The following KIAA1217 variants were observed in gnomAD, a reference collection of about 807,000 sequenced individuals.
KIAA1217 encodes the protein KIAA1217.
KIAA1217 carries 88 observed loss-of-function variants against 163.9 expected under a neutral mutation model. The ratio of observed to expected loss-of-function variants is 0.54; its 90% CI spans 0.45 to 0.64. KIAA1217 has a LOEUF of 0.64. Among genes scored for constraint, KIAA1217 ranks in the 30% least tolerant of loss-of-function variants. The probability of loss-of-function intolerance (pLI) is 0.00; values close to 1 mark genes in which losing one functional copy is unlikely to be tolerated. For missense variants in KIAA1217, 2,372 were observed against 2,475.0 expected (o/e 0.96, Z 0.88); for synonymous variants, 903 against 923.1 (o/e 0.98, Z 0.39).
rs527382446 is a variant in KIAA1217 at position 23,866,261 on chromosome 10, A to G, written c.-320-140964A>G. 1.1e-4 allele frequency among the ~76,000 whole-genome samples: 17 copies of G among 152,260 alleles called. No individual in the cohort carries two copies. The East Asian group carries it at 2.5e-3, about 23-fold the overall frequency. On this transcript the variant is annotated intron_variant, in intron 1 of 18. Coordinates refer to the KIAA1217 transcript ENST00000376462. ...CTTCTCATCTCAATGAAAGTTGCTT[A>G]TCTGTTGAACTGCCATCATCATAGT...
At chr10:24,422,633 A>C (rs1196714686) in intron 3 of KIAA1217, among the ~76,000 whole-genome samples, 1 of 152,170 alleles carries the variant, frequency 6.6e-6, no homozygotes, top group East Asian at 1.9e-4. Flanking sequence ...AGCATCTTTC[A>C]CTCAGTCTGA....
At chr10:24,125,286 T>A (rs930475068) in intron 2 of KIAA1217, among the ~76,000 whole-genome samples, 4 of 150,352 alleles carry the variant, frequency 2.7e-5, no homozygotes, top group Admixed American at 2.7e-4. Context: ...AAAAGAAAGT[T>A]GGTTGGTAAA....
At chr10:24,001,784 CT>C (rs1846753875) in intron 1 of KIAA1217, among the ~76,000 whole-genome samples, 1 of 152,192 alleles carries the variant, frequency 6.6e-6, no homozygotes, top group South Asian at 2.1e-4. Flanking sequence ...CCCTGAGCAT[CT>C]CATCTGGAGG....
intron 1 of KIAA1217, among the ~76,000 whole-genome samples, chr10:23,701,395 A>G (rs1836439841): frequency 6.6e-6 from 1 of 152,150 alleles, no homozygotes; most frequent in African/African-American, 2.4e-5. Flanking sequence ...TTTCATCCTC[A>G]GGGTGAGAGA....
At chr10:23,814,853 C>A (rs758030483) in intron 1 of KIAA1217, among the ~76,000 whole-genome samples, 33 of 151,416 alleles carry the variant, frequency 2.2e-4, no homozygotes, top group Non-Finnish European at 3.8e-4. Context: ...CTGATTTAAT[C>A]AAGAAGCAGA....
chr10:23,739,305 G>A (rs964227989), intron 1 of KIAA1217, among the ~76,000 whole-genome samples: 4 of 152,236 alleles, frequency 2.6e-5, no homozygotes, highest in South Asian at 2.1e-4. Context: ...TTGGGTGATC[G>A]ATACACTAAA....
At position 24,544,416 on chromosome 10, in the gene KIAA1217, C is replaced by G. The variant is rs1311321093; in HGVS notation, c.5146C>G (p.Leu1716Val). 6.2e-7 allele frequency: 1 copy of G among 1,613,992 alleles called. No homozygotes were observed. The highest frequency in any genetic ancestry group is 1.3e-5 in the African/African-American group (1 of 74,892). The change falls in exon 19 of 21, where the codon CTA becomes GTA. Residue 1716 changes from leucine (L) to valine (V), a missense_variant. By Grantham distance (32) the Leu-to-Val change is conservative. Transcript: ENST00000376454. Reference protein sequence around the residue: ...IAQEASPRPLLVPDEGPTALE... With the variant: ...IAQEASPRPLVVPDEGPTALE... ...CCAAGAGGCCTCTCCCCGACCCTTG[C>G]TAGTTCCGGATGAAGGTCCCACTGC...
intron 1 of KIAA1217, among the ~76,000 whole-genome samples, chr10:23,726,733 G>A (rs1476616743): frequency 2.0e-5 from 3 of 151,912 alleles, no homozygotes; most frequent in Admixed American, 1.3e-4. Context: ...TCAACAAGTG[G>A]GCAAAGGATA....
At chr10:24,409,071 A>C (rs1168702098) in intron 3 of KIAA1217, among the ~76,000 whole-genome samples, 1 of 152,164 alleles carries the variant, frequency 6.6e-6, no homozygotes, top group African/African-American at 2.4e-5. Flanking sequence ...TGGACTTTCG[A>C]AGCACTTTTA....
intron 3 of KIAA1217, among the ~76,000 whole-genome samples, chr10:24,400,567 C>A (rs7096370): frequency 2.6e-5 from 4 of 152,132 alleles, no homozygotes; most frequent in African/African-American, 9.7e-5. Flanking sequence ...TGCTTACCTC[C>A]AAAGGGGACA....
intron 1 of KIAA1217, among the ~76,000 whole-genome samples, chr10:23,737,915 C>T (rs1838900900): frequency 7.1e-6 from 1 of 141,720 alleles, no homozygotes; most frequent in Non-Finnish European, 1.5e-5. Flanking sequence ...AGAAAACTTA[C>T]TGTGTGGCAA....
chr10:24,432,622 A>AT (rs61444543), intron 3 of KIAA1217, among the ~76,000 whole-genome samples: 1,556 of 149,492 alleles, frequency 0.01, 17 homozygotes, highest in African/African-American at 0.033. Flanking sequence ...CACCCAGCTA[A>AT]TTTTTTTTTT....
intron 2 of KIAA1217, among the ~76,000 whole-genome samples, chr10:24,100,888 T>C (rs966922474): frequency 6.6e-6 from 1 of 152,192 alleles, no homozygotes; most frequent in African/African-American, 2.4e-5. Flanking sequence ...AAAATAAAAA[T>C]TCAGCAATAT....
intron 3 of KIAA1217, among the ~76,000 whole-genome samples, chr10:24,409,406 A>C (rs12412510): frequency 0.054 from 8,160 of 152,210 alleles, 219 homozygotes; most frequent in Admixed American, 0.071. Flanking sequence ...AGGGAATGCA[A>C]ATTAATTTAT....
intron 2 of KIAA1217, among the ~76,000 whole-genome samples, chr10:24,055,416 A>G (rs559329849): frequency 6.6e-6 from 1 of 152,350 alleles, no homozygotes; most frequent in Non-Finnish European, 1.5e-5. Context: ...TGTTTAATTT[A>G]TAGCTTCAAG....
chr10:23,926,561 C>A (rs1020640801), intron 1 of KIAA1217, among the ~76,000 whole-genome samples: 3 of 151,968 alleles, frequency 2.0e-5, no homozygotes, highest in African/African-American at 7.3e-5. Flanking sequence ...CCCGTCTCTA[C>A]TAAAAATACA....
intron 1 of KIAA1217, among the ~76,000 whole-genome samples, chr10:23,708,550 C>G (rs1409924399): frequency 6.6e-6 from 1 of 152,130 alleles, no homozygotes; most frequent in Non-Finnish European, 1.5e-5. Context: ...AAGCTGAGCT[C>G]TGAAGGACAG....
chr10:23,832,946 T>C (rs1044250141), intron 1 of KIAA1217, among the ~76,000 whole-genome samples: 1 of 152,114 alleles, frequency 6.6e-6, no homozygotes, highest in Non-Finnish European at 1.5e-5. Flanking sequence ...ATGAGACTTA[T>C]TCACTATCAT....
Position 24,278,955 on chromosome 10 carries a change from C to G in KIAA1217, c.354+59046C>G, listed in dbSNP as rs1034728034. Among the ~76,000 whole-genome samples the G allele has an allele frequency of 3.3e-5, 5 of 151,376 alleles. 1 individual carries two copies. Among genetic ancestry groups the G allele is most frequent in the African/African-American group, 1.2e-4 (5 of 41,150 alleles). On this transcript the variant is annotated intron_variant, in intron 2 of 20. Transcript: ENST00000376454. The stretch of plus-strand genomic sequence containing the variant: ...CACTGCAACCTCTGCCTCCCAGGCT[C>G]AAGCGATTCTCATGCCTCAGCCTCC...
Sources: gnomAD v4.1 joint callset for allele counts (sites outside exome capture counted in the v4.1 genomes callset) on GRCh38, gnomAD v4.1.1 for gene constraint, MANE v1.5 for transcripts, NCBI Gene and HGNC (gene_info 2026-07-23, HGNC 2026-07-21) for gene names.